The following CNBD1 variants were observed in gnomAD, a reference collection of about 807,000 sequenced individuals.
CNBD1 encodes the protein cyclic nucleotide binding domain containing 1, also known as cyclic nucleotide-binding domain-containing protein 1.
In CNBD1, 71 loss-of-function variants were observed where a neutral mutation model predicts 54.4. That is an observed-to-expected ratio of 1.30 (90% CI 1.08 to 1.59). The LOEUF is 1.59. Ranked by LOEUF, CNBD1 falls within the 40% of genes most tolerant of loss-of-function variation. The pLI is 0.00. For synonymous variants in CNBD1, 182 were observed against 170.7 expected (o/e 1.07, Z -0.51); for missense variants, 659 against 518.0 (o/e 1.27, Z -2.64).
intron 4 of CNBD1, among the ~76,000 whole-genome samples, chr8:87,184,743 C>A (rs1257183821): frequency 6.6e-6 from 1 of 152,076 alleles, no homozygotes; most frequent in African/African-American, 2.4e-5. Context: ...CTCCCTATAT[C>A]CACTCCCAAC....
chr8:86,911,524 A>G (rs1318822664), intron 3 of CNBD1, among the ~76,000 whole-genome samples: 3 of 152,174 alleles, frequency 2.0e-5, no homozygotes, highest in Non-Finnish European at 4.4e-5. Flanking sequence ...ATAAATTTAT[A>G]TTGTGTATAA....
intron 3 of CNBD1, among the ~76,000 whole-genome samples, chr8:86,932,355 C>T (rs1008918981): frequency 1.1e-4 from 16 of 152,070 alleles, no homozygotes; most frequent in African/African-American, 2.9e-4. Context: ...GGGACATAAC[C>T]GATAGCCCAG....
chr8:87,367,979 T>C (rs577404445), intron 10 of CNBD1, among the ~76,000 whole-genome samples: 4 of 152,044 alleles, frequency 2.6e-5, no homozygotes, highest in African/African-American at 9.6e-5. Context: ...ATTACCAACA[T>C]GGTGAAACCC....
downstream of CNBD1, among the ~76,000 whole-genome samples, chr8:87,387,348 A>G (rs774723153): frequency 1.3e-4 from 20 of 152,190 alleles, no homozygotes; most frequent in Middle Eastern, 3.4e-3. Flanking sequence ...AATGTGCTGT[A>G]TTCAGGAAAC....
intron 4 of CNBD1, among the ~76,000 whole-genome samples, chr8:86,997,478 T>G (rs1458941391): frequency 6.6e-6 from 1 of 152,190 alleles, no homozygotes; most frequent in African/African-American, 2.4e-5. Flanking sequence ...CTTTTAGTCC[T>G]CCTTGAAAAA....
At chr8:87,290,452 T>C (rs764409748) in intron 8 of CNBD1, among the ~76,000 whole-genome samples, 12 of 152,116 alleles carry the variant, frequency 7.9e-5, no homozygotes, top group Non-Finnish European at 1.5e-4. Context: ...TCCAACAACA[T>C]TATACACATA....
chr8:87,115,527 A>G (rs778511546), intron 4 of CNBD1, among the ~76,000 whole-genome samples: 24 of 152,204 alleles, frequency 1.6e-4, no homozygotes, highest in Non-Finnish European at 1.5e-4. Flanking sequence ...GAATAGTGCA[A>G]TGAGGAGTCC....
At chr8:87,218,523 G>T (rs1449862026) in intron 5 of CNBD1, among the ~76,000 whole-genome samples, 1 of 151,930 alleles carries the variant, frequency 6.6e-6, no homozygotes, top group Admixed American at 6.6e-5. Context: ...GCCTGGTAAA[G>T]GGTATTCTAT....
At chr8:87,331,254 G>A (rs552196441) in intron 8 of CNBD1, among the ~76,000 whole-genome samples, 93 of 152,116 alleles carry the variant, frequency 6.1e-4, no homozygotes, top group Admixed American at 8.5e-4. Context: ...GTTGTTCCCC[G>A]ATGTGTGTCC....
chr8:87,306,090 A>G (rs1809136457), intron 8 of CNBD1, among the ~76,000 whole-genome samples: 1 of 152,226 alleles, frequency 6.6e-6, no homozygotes, highest in Non-Finnish European at 1.5e-5. Flanking sequence ...AAAGTGGTCT[A>G]AGGACATGAA....
At chr8:86,937,167 C>T (rs2130419886) in intron 3 of CNBD1, among the ~76,000 whole-genome samples, 1 of 152,260 alleles carries the variant, frequency 6.6e-6, no homozygotes, top group South Asian at 2.1e-4. Context: ...TCTTACATGG[C>T]AGCAGGCAAA....
chr8:87,230,122 G>A (rs1278752149), intron 5 of CNBD1, among the ~76,000 whole-genome samples: 1 of 152,174 alleles, frequency 6.6e-6, no homozygotes, highest in Non-Finnish European at 1.5e-5. Context: ...GAGGAACAGA[G>A]AGAAGAGGGA....
intron 4 of CNBD1, among the ~76,000 whole-genome samples, chr8:87,174,342 TA>T (rs879803832): frequency 2.6e-5 from 4 of 152,204 alleles, no homozygotes; most frequent in Non-Finnish European, 5.9e-5. Context: ...CTTTGGCTGA[TA>T]AATTCTGTTA....
chr8:87,110,070 C>T (rs1811630508), intron 4 of CNBD1, among the ~76,000 whole-genome samples: 1 of 152,174 alleles, frequency 6.6e-6, no homozygotes, highest in African/African-American at 2.4e-5. Context: ...TACTTTTCTT[C>T]CCACACACAG....
At chr8:87,377,520 T>A (rs1363037996) in intron 10 of CNBD1, among the ~76,000 whole-genome samples, 3 of 152,042 alleles carry the variant, frequency 2.0e-5, no homozygotes, top group Non-Finnish European at 2.9e-5. Flanking sequence ...CCATGTTGTA[T>A]ATGTGCCACA....
At chr8:87,345,997 T>C (rs1810168643) in intron 8 of CNBD1, among the ~76,000 whole-genome samples, 1 of 152,196 alleles carries the variant, frequency 6.6e-6, no homozygotes, top group African/African-American at 2.4e-5. Context: ...TTCATGGCCC[T>C]GATTATAATA....
chr8:87,414,744 T>A (rs1391884930), intron 2 of CNBD1, among the ~76,000 whole-genome samples: 2 of 151,946 alleles, frequency 1.3e-5, no homozygotes, highest in Non-Finnish European at 2.9e-5. Flanking sequence ...TCAAAATTAC[T>A]GGTGTGACTT....
intron 3 of CNBD1, among the ~76,000 whole-genome samples, chr8:86,938,281 C>T (rs547356677): frequency 2.1e-4 from 32 of 152,274 alleles, no homozygotes; most frequent in African/African-American, 7.7e-4. Flanking sequence ...TTTGACAAGT[C>T]TCTAGGAAGT....
intron 5 of CNBD1, among the ~76,000 whole-genome samples, chr8:87,227,727 G>T (rs1255437683): frequency 6.7e-6 from 1 of 148,956 alleles, no homozygotes; most frequent in African/African-American, 2.5e-5. Context: ...TCTTGGAGTT[G>T]CTCTTCTCGA....
Sources: gnomAD v4.1 joint callset for allele counts (sites outside exome capture counted in the v4.1 genomes callset) on GRCh38, gnomAD v4.1.1 for gene constraint, MANE v1.5 for transcripts, NCBI Gene and HGNC (gene_info 2026-07-23, HGNC 2026-07-21) for gene names.